SPAST: variants seen among roughly 807,000 people sequenced by gnomAD.
SPAST encodes the protein spastin.
SPAST carries 30 observed loss-of-function variants against 76.6 expected under a neutral mutation model. That is an observed-to-expected ratio of 0.39 (90% CI 0.29 to 0.53). SPAST has a LOEUF of 0.53. SPAST is among the 20% of genes least tolerant of loss of function. The probability of loss-of-function intolerance (pLI) is 0.68; values close to 1 mark genes in which losing one functional copy is unlikely to be tolerated. For synonymous variants in SPAST, 305 were observed against 281.0 expected, an observed-to-expected ratio of 1.09 and a Z score of -0.86; for missense variants, 717 against 770.5, an observed-to-expected ratio of 0.93 and a Z score of 0.82.
chr2:32,083,360 CAT>C (rs1289860749), intron 1 of SPAST, among the ~76,000 whole-genome samples: 85 of 152,038 alleles, frequency 5.6e-4, no homozygotes, highest in Non-Finnish European at 5.1e-4. Flanking sequence ...ATTGTTGACT[CAT>C]GTGGTAAATA....
intron 7 of SPAST, among the ~76,000 whole-genome samples, chr2:32,119,991 T>G (rs1461426721): frequency 1.3e-5 from 2 of 152,010 alleles, no homozygotes; most frequent in Non-Finnish European, 2.9e-5. Context: ...AAAGCTCTTC[T>G]CTATCTACTA....
intron 8 of SPAST, chr2:32,127,826 G>C (rs1679244106): frequency 6.6e-6 from 1 of 152,150 alleles, no homozygotes; most frequent in South Asian, 2.1e-4. Flanking sequence ...GAAGAGAGGA[G>C]AATAACACTG....
intron 16 of SPAST, among the ~76,000 whole-genome samples, chr2:32,149,966 T>G (rs1680020089): frequency 6.6e-6 from 1 of 152,040 alleles, no homozygotes; most frequent in African/African-American, 2.4e-5. Flanking sequence ...TTCAAGTACA[T>G]TTTGGAGTTT....
chr2:32,070,114 G>T (rs538762766), intron 1 of SPAST, among the ~76,000 whole-genome samples: 3 of 148,342 alleles, frequency 2.0e-5, no homozygotes, highest in Non-Finnish European at 4.4e-5. Flanking sequence ...CACCCACGCT[G>T]GAGTGCAGTG....
intron 3 of SPAST, among the ~76,000 whole-genome samples, chr2:32,093,006 C>CAAAA (rs35879561): frequency 1.6e-5 from 2 of 123,000 alleles, no homozygotes; most frequent in African/African-American, 3.1e-5. Context: ...GACTCCGTCT[C>CAAAA]AAAAAAAAAA....
At chr2:32,151,384 C>G (rs146178635) in intron 16 of SPAST, among the ~76,000 whole-genome samples, 323 of 152,184 alleles carry the variant, frequency 2.1e-3, no homozygotes, top group African/African-American at 7.3e-3. Context: ...GTAGTAAACA[C>G]TATGTAAAGA....
At chr2:32,088,761 A>G (rs1677594835) in intron 2 of SPAST, among the ~76,000 whole-genome samples, 1 of 152,214 alleles carries the variant, frequency 6.6e-6, no homozygotes, top group African/African-American at 2.4e-5. Flanking sequence ...ATCACTTAGA[A>G]TTTGAATTTT....
At chr2:32,113,065 C>T (rs1678676738) in intron 4 of SPAST, among the ~76,000 whole-genome samples, 1 of 152,056 alleles carries the variant, frequency 6.6e-6, no homozygotes, top group South Asian at 2.1e-4. Context: ...ATATATACAG[C>T]CCATATAATA....
chr2:32,082,580 C>T (rs557178547), intron 1 of SPAST, among the ~76,000 whole-genome samples: 1 of 151,976 alleles, frequency 6.6e-6, no homozygotes, highest in Admixed American at 6.6e-5. Flanking sequence ...CCTTTCATCC[C>T]AGCTACTTGG....
At chr2:32,105,587 TG>T (rs1295163116) in intron 4 of SPAST, among the ~76,000 whole-genome samples, 1 of 152,192 alleles carries the variant, frequency 6.6e-6, no homozygotes, top group Admixed American at 6.5e-5. Context: ...CCCATCTTTG[TG>T]GCTTTATCTA....
Position 32,114,771 on chromosome 2 carries a change from A to C in SPAST, c.816A>C (p.Leu272Phe). 6.2e-7 allele frequency: 1 copy of C among 1,614,130 alleles called. No individual in the cohort carries two copies. Residue 272 changes from leucine to phenylalanine, a missense_variant, in exon 5 of 17, where the codon TTA becomes TTC. Around this residue, in one of 3 missense-constraint regions of SPAST, gnomAD observed 543 missense variants for 445.2 expected, o/e 1.22. Coordinates refer to ENST00000315285, the MANE Select transcript of SPAST (RefSeq NM_014946.4). ...GHHRAPSYSG[L>F]SMVSGVKQGS... ...ATAGAGCACCTAGTTACAGTGGTTT[A>C]TCCATGGTTTCTGGAGTGAAACAGG...
intron 4 of SPAST, among the ~76,000 whole-genome samples, chr2:32,099,339 A>G (rs1678033878): frequency 6.6e-6 from 1 of 152,146 alleles, no homozygotes; most frequent in South Asian, 2.1e-4. Flanking sequence ...TTGATAGAAG[A>G]AATTTGAAAC....
chr2:32,138,226 A>G (rs1399214927), intron 12 of SPAST, among the ~76,000 whole-genome samples: 2 of 152,176 alleles, frequency 1.3e-5, no homozygotes, highest in African/African-American at 2.4e-5. Context: ...GTTTTTTGAG[A>G]AATCTTCAAA....
At chr2:32,109,320 G>A (rs1269844124) in intron 4 of SPAST, among the ~76,000 whole-genome samples, 2 of 151,678 alleles carry the variant, frequency 1.3e-5, no homozygotes, top group African/African-American at 2.4e-5. Flanking sequence ...TGTTGGCCAG[G>A]CTGGTCTCGA....
chr2:32,110,602 CTATA>C (rs1164596937), intron 4 of SPAST, among the ~76,000 whole-genome samples: 18 of 124,408 alleles, frequency 1.4e-4, no homozygotes, highest in African/African-American at 5.1e-4. Context: ...CGTATATACA[CTATA>C]TACTATATAG....
intron 3 of SPAST, among the ~76,000 whole-genome samples, chr2:32,093,180 G>A (rs574273251): frequency 1.5e-4 from 23 of 151,132 alleles, no homozygotes; most frequent in Admixed American, 1.1e-3. Flanking sequence ...GCGTAGTGGC[G>A]GGCGCCTGTA....
intron 9 of SPAST, among the ~76,000 whole-genome samples, chr2:32,131,189 G>A (rs993001292): frequency 6.6e-6 from 1 of 152,164 alleles, no homozygotes; most frequent in African/African-American, 2.4e-5. Context: ...TCTTCATGGA[G>A]TTTCCTTTCT....
rs749803728 is a variant in SPAST, at chr2:32,137,200, T to G, written c.1493+12T>G. On this transcript the variant is annotated intron_variant, in intron 12 of 16. Transcript: ENST00000315285. ...GAGGCTGTTCTCAGGTAGGGAGATT[T>G]ATATGGAAATACATGCATTTATTAC... The G allele has an allele frequency of 1.9e-6, 3 of 1,561,552 alleles. No individual in the cohort carries two copies. The East Asian group carries it at 6.7e-5, about 35-fold the overall frequency.
intron 16 of SPAST, among the ~76,000 whole-genome samples, chr2:32,148,229 C>T (rs12995952): frequency 0.36 from 54,293 of 151,640 alleles, 10,056 homozygotes; most frequent in East Asian, 0.64. Flanking sequence ...ATGGATTTTT[C>T]TAGTTGATTA....
Sources: gnomAD v4.1 joint callset for allele counts (sites outside exome capture counted in the v4.1 genomes callset) on GRCh38, gnomAD v4.1.1 for gene constraint, gnomAD v4.1.1 regional missense constraint, MANE v1.5 for transcripts, NCBI Gene and HGNC (gene_info 2026-07-23, HGNC 2026-07-21) for gene names.